The following TENM3 variants were observed in gnomAD, a reference collection of about 807,000 sequenced individuals.
TENM3 encodes teneurin transmembrane protein 3.
Under a neutral mutation model 255.1 loss-of-function variants are expected in TENM3, and 63 were observed. That is an observed-to-expected ratio of 0.25 (90% CI 0.20 to 0.30). The LOEUF (loss-of-function observed/expected upper bound fraction) is 0.30, where lower values mean the gene tolerates loss of function less well. Ranked by LOEUF, TENM3 falls within the 10% of genes least tolerant of loss-of-function variation. The pLI, the probability that TENM3 is intolerant of heterozygous loss-of-function variation, is 1.00. For synonymous variants in TENM3, 1,306 were observed against 1,322.3 expected (o/e 0.99, Z 0.27); for missense variants, 2,929 against 3,461.1 (o/e 0.85, Z 3.86).
At chr4:181,631,933 G>A in the TENM3 span, among the ~76,000 whole-genome samples, 2 of 152,094 alleles carry the variant, frequency 1.3e-5, no homozygotes, top group African/African-American at 4.8e-5. Context: ...CAGGAGCTGA[G>A]GAGAAAAGCA....
intron 3 of TENM3, among the ~76,000 whole-genome samples, chr4:182,563,485 C>T (rs1580949644): frequency 1.3e-5 from 2 of 150,580 alleles, no homozygotes; most frequent in East Asian, 3.9e-4. Context: ...TTCACTTTTA[C>T]TTGATATAAT....
chr4:181,848,580 G>T, the TENM3 span, among the ~76,000 whole-genome samples: 1 of 152,136 alleles, frequency 6.6e-6, no homozygotes, highest in South Asian at 2.1e-4. Context: ...TGCTTTTACC[G>T]TGACAGATGT....
At chr4:182,606,096 T>G (rs1157452088) in intron 4 of TENM3, among the ~76,000 whole-genome samples, 1 of 152,230 alleles carries the variant, frequency 6.6e-6, no homozygotes, top group Non-Finnish European at 1.5e-5. Context: ...ATATTTAAAC[T>G]TTTATTGACC....
the TENM3 span, among the ~76,000 whole-genome samples, chr4:181,551,082 G>A: frequency 6.6e-6 from 1 of 152,076 alleles, no homozygotes; most frequent in Non-Finnish European, 1.5e-5. Flanking sequence ...CAGGAGCAAG[G>A]AATTTTCTTT....
At chr4:181,763,020 A>G in the TENM3 span, among the ~76,000 whole-genome samples, 1 of 152,330 alleles carries the variant, frequency 6.6e-6, no homozygotes, top group African/African-American at 2.4e-5. Flanking sequence ...CTTGTGAAAC[A>G]AATATGACAA....
the TENM3 span, among the ~76,000 whole-genome samples, chr4:181,663,244 C>T: frequency 5.9e-5 from 9 of 152,208 alleles, no homozygotes; most frequent in South Asian, 2.1e-4. Context: ...GTTCCTGAAG[C>T]GTCTGTGGTT....
At chr4:181,641,808 A>ATATG in the TENM3 span, among the ~76,000 whole-genome samples, 1 of 35,744 alleles carries the variant, frequency 2.8e-5, no homozygotes, top group African/African-American at 1.3e-4. Context: ...CACACACCAT[A>ATATG]TATATATATA....
chr4:181,556,453 C>T, the TENM3 span, among the ~76,000 whole-genome samples: 1 of 152,120 alleles, frequency 6.6e-6, no homozygotes, highest in African/African-American at 2.4e-5. Context: ...CTTTAATTAA[C>T]ATTGATATAC....
intron 1 of TENM3, among the ~76,000 whole-genome samples, chr4:182,201,569 G>A (rs1754188646): frequency 6.6e-6 from 1 of 151,820 alleles, no homozygotes; most frequent in East Asian, 1.9e-4. Context: ...CAGGAGTTGC[G>A]AGCAGATGCT....
intron 6 of TENM3, among the ~76,000 whole-genome samples, chr4:182,660,661 C>T (rs925060306): frequency 6.6e-6 from 1 of 152,070 alleles, no homozygotes; most frequent in Non-Finnish European, 1.5e-5. Context: ...CCCCATCATT[C>T]GTTATTTATA....
At chr4:182,306,103 A>G (rs1009930924) in intron 1 of TENM3, among the ~76,000 whole-genome samples, 3 of 152,158 alleles carry the variant, frequency 2.0e-5, no homozygotes, top group Admixed American at 6.6e-5. Context: ...CCTGTACTTC[A>G]TGCACCCAAG....
chr4:182,470,359 T>C (rs1733000601), intron 3 of TENM3, among the ~76,000 whole-genome samples: 2 of 152,228 alleles, frequency 1.3e-5, no homozygotes, highest in African/African-American at 4.8e-5. Flanking sequence ...CCATACATTC[T>C]ATTTAACCCC....
At chr4:181,652,739 A>G in the TENM3 span, among the ~76,000 whole-genome samples, 1 of 152,210 alleles carries the variant, frequency 6.6e-6, no homozygotes, top group African/African-American at 2.4e-5. Context: ...TGTTCCGCTA[A>G]CCTTAAATAA....
At chr4:182,675,302 G>A (rs1326875446) in intron 7 of TENM3, among the ~76,000 whole-genome samples, 1 of 152,072 alleles carries the variant, frequency 6.6e-6, no homozygotes, top group Non-Finnish European at 1.5e-5. Context: ...CCAGCACCAG[G>A]AGGCCAAGGT....
chr4:182,644,350 T>G (rs1412851988), intron 5 of TENM3, among the ~76,000 whole-genome samples: 1 of 152,200 alleles, frequency 6.6e-6, no homozygotes, highest in Non-Finnish European at 1.5e-5. Context: ...TCTCTCAACA[T>G]GGAGCTAAAA....
At chr4:182,296,092 T>C (rs552314206) in intron 1 of TENM3, among the ~76,000 whole-genome samples, 6 of 152,032 alleles carry the variant, frequency 3.9e-5, no homozygotes, top group Admixed American at 6.6e-5. Context: ...GCCTCCCGAG[T>C]AGCTGGGATT....
At chr4:181,650,686 T>G in the TENM3 span, among the ~76,000 whole-genome samples, 1 of 152,326 alleles carries the variant, frequency 6.6e-6, no homozygotes. Context: ...TTCATACAAT[T>G]AATTGAATAA....
Position 182,801,169 on chromosome 4 carries a change from C to A in TENM3, c.*818C>A, listed in dbSNP as rs1034807231. On this transcript the variant is annotated 3_prime_UTR_variant, in exon 28 of 28. Coordinates refer to ENST00000511685, the MANE Select transcript of TENM3 (RefSeq NM_001080477.4). Reference sequence around the variant, plus strand: ...TTAAAAGGATTGCACCTTTTGTTATCTGTTATAGCTGTACAGTATGAATTA... The same window carrying A: ...TTAAAAGGATTGCACCTTTTGTTATATGTTATAGCTGTACAGTATGAATTA... 1 of 152,514 alleles carries A rather than the reference C, an allele frequency of 6.6e-6. No individual in the cohort carries two copies. The highest frequency in any genetic ancestry group is 2.4e-5 in the African/African-American group (1 of 41,402). 9.4% of individuals were successfully genotyped at this position (152,514 alleles called of 1,614,324 possible). A position where few individuals can be genotyped will look rare whatever the true frequency, so the allele number is the denominator to read the frequency against.
the TENM3 span, among the ~76,000 whole-genome samples, chr4:181,993,901 T>C: frequency 6.6e-6 from 1 of 152,102 alleles, no homozygotes; most frequent in African/African-American, 2.4e-5. Context: ...ATTGAGAAGA[T>C]TCTGCAGAAT....
Sources: gnomAD v4.1 joint callset for allele counts (sites outside exome capture counted in the v4.1 genomes callset) on GRCh38, gnomAD v4.1.1 for gene constraint, MANE v1.5 for transcripts, NCBI Gene and HGNC (gene_info 2026-07-23, HGNC 2026-07-21) for gene names.